DNAH14: variants seen among roughly 807,000 people sequenced by gnomAD.
DNAH14 encodes the protein dynein axonemal heavy chain 14, also known as axonemal beta dynein heavy chain 14.
DNAH14 carries 478 observed loss-of-function variants against 520.9 expected under a neutral mutation model. The ratio of observed to expected loss-of-function variants is 0.92; its 90% CI spans 0.85 to 0.99. The LOEUF (loss-of-function observed/expected upper bound fraction) is 0.99. Among genes scored for constraint, DNAH14 ranks in the 50% least tolerant of loss-of-function variants. The pLI is 0.00. For synonymous variants in DNAH14, 1,581 were observed against 1,757.2 expected (o/e 0.90, Z 2.51); for missense variants, 4,831 against 5,234.5 (o/e 0.92, Z 2.38).
chr1:225,239,956 A>G (rs1055370184), intron 42 of DNAH14, among the ~76,000 whole-genome samples: 4 of 152,196 alleles, frequency 2.6e-5, no homozygotes, highest in African/African-American at 9.6e-5. Flanking sequence ...CAGCCCCATC[A>G]CCATCACCAT....
At chr1:225,103,263 A>G (rs1192775379) in intron 23 of DNAH14, among the ~76,000 whole-genome samples, 1 of 152,168 alleles carries the variant, frequency 6.6e-6, no homozygotes, top group Non-Finnish European at 1.5e-5. Flanking sequence ...CTGTTTTGGT[A>G]TCAGTACCAT....
intron 64 of DNAH14, among the ~76,000 whole-genome samples, chr1:225,329,517 G>T (rs1388325416): frequency 6.6e-6 from 1 of 152,098 alleles, no homozygotes; most frequent in African/African-American, 2.4e-5. Context: ...TTGAGCAGGG[G>T]TGTAATCAAG....
At chr1:225,024,083 T>A in intron 11 of DNAH14, 1 of 1,158,252 alleles carries the variant, frequency 8.6e-7, no homozygotes, top group Non-Finnish European at 1.1e-6. Flanking sequence ...GAATTTCACA[T>A]AAATGGTAAA....
intron 46 of DNAH14, among the ~76,000 whole-genome samples, chr1:225,263,025 T>G (rs2092990188): frequency 6.6e-6 from 1 of 151,642 alleles, no homozygotes; most frequent in Admixed American, 6.6e-5. Flanking sequence ...GAACAAACAA[T>G]AAATCTACCT....
chr1:225,389,473 C>T (rs1230729309), intron 82 of DNAH14, among the ~76,000 whole-genome samples: 1 of 152,252 alleles, frequency 6.6e-6, no homozygotes, highest in African/African-American at 2.4e-5. Context: ...CAAGATTCTG[C>T]GAGGCGCAGG....
intron 68 of DNAH14, among the ~76,000 whole-genome samples, chr1:225,339,685 G>A (rs2095138763): frequency 6.6e-6 from 1 of 152,194 alleles, no homozygotes; most frequent in African/African-American, 2.4e-5. Flanking sequence ...CTGTTGTAGA[G>A]GGCAGGCTTC....
intron 23 of DNAH14, among the ~76,000 whole-genome samples, chr1:225,102,132 C>T (rs1340416334): frequency 6.7e-6 from 1 of 149,484 alleles, no homozygotes; most frequent in Non-Finnish European, 1.5e-5. Context: ...TGAGTGAGAA[C>T]ATGCGGTGTT....
chr1:225,301,400 C>G (rs928403280), intron 56 of DNAH14, among the ~76,000 whole-genome samples: 3 of 152,036 alleles, frequency 2.0e-5, no homozygotes, highest in Admixed American at 6.6e-5. Flanking sequence ...TCTGGAAAGG[C>G]AAGAAACAAG....
chr1:225,146,128 A>G (rs1443018902), intron 30 of DNAH14, among the ~76,000 whole-genome samples: 1 of 152,206 alleles, frequency 6.6e-6, no homozygotes, highest in East Asian at 1.9e-4. Flanking sequence ...AGTGGGGCCT[A>G]TGAGGGCTCC....
chr1:224,952,813 C>G, intron 2 of DNAH14, 34 bp downstream of exon 2: 1 of 1,501,080 alleles, frequency 6.7e-7, no homozygotes, highest in South Asian at 1.3e-5. Context: ...GAGTTTTTTT[C>G]TAAAGTAAGA....
At chr1:225,392,232 C>G in intron 83 of DNAH14, 59 bp from the exon 84 acceptor site, 1 of 1,531,638 alleles carries the variant, frequency 6.5e-7, no homozygotes, top group Non-Finnish European at 8.8e-7. Context: ...TTGTTGCTAA[C>G]CCCAGCAGGA....
At chr1:225,067,027 A>G (rs1368719756) in intron 17 of DNAH14, among the ~76,000 whole-genome samples, 1 of 152,154 alleles carries the variant, frequency 6.6e-6, no homozygotes, top group Non-Finnish European at 1.5e-5. Context: ...TTTGTTACAT[A>G]GGTAAACATG....
chr1:225,136,789 G>C (rs1044517875), intron 27 of DNAH14, among the ~76,000 whole-genome samples: 1 of 152,172 alleles, frequency 6.6e-6, no homozygotes, highest in African/African-American at 2.4e-5. Context: ...AGGTACCCCA[G>C]TCAGTCGTAG....
chr1:225,333,371 C>A lies in DNAH14; in HGVS notation c.9945C>A (p.Cys3315Ter). The stretch of plus-strand genomic sequence containing the variant: ...GTGACATACTTCTTTCAGCAGCGTG[C>A]ATTGTCTACAGTGGAATTTTAACAC... ...ILGDILLSAA[C>*]IVYSGILTPE... Residue 3315 changes from cysteine to a stop codon, truncating the protein, a stop_gained, in exon 66 of 86, where the codon TGC (cysteine) becomes TGA (stop). Transcript: ENST00000682510. LOFTEE classifies it high-confidence loss of function. 6.4e-7 allele frequency: 1 copy of A among 1,551,720 alleles called. No homozygotes were observed. Among genetic ancestry groups the A allele is most frequent in the East Asian group, 2.4e-5 (1 of 40,866 alleles).
At chr1:225,272,904 A>G in intron 51 of DNAH14, 51 bp from the exon 52 acceptor site, 1 of 1,469,340 alleles carries the variant, frequency 6.8e-7, no homozygotes, top group South Asian at 1.4e-5. Flanking sequence ...CGCTTCACAT[A>G]CTACCCTGCT....
At position 225,299,848 on chromosome 1, in the gene DNAH14, C is replaced by T. The variant is rs141018722; in HGVS notation, c.8470-1021C>T. On this transcript the variant is annotated intron_variant, in intron 55 of 85. Coordinates refer to ENST00000682510, the MANE Select transcript of DNAH14 (RefSeq NM_001367479.1). ...CACATATGAGGTGAGACAGGAAATACGTTAGCCCTGTGTCACCTCTGTTGG... is the reference window on the plus strand; with the variant it reads ...CACATATGAGGTGAGACAGGAAATATGTTAGCCCTGTGTCACCTCTGTTGG... Among the ~76,000 whole-genome samples, 7 of 152,256 alleles carry T rather than the reference C, an allele frequency of 4.6e-5. No individual in the cohort carries two copies. The East Asian group carries it at 7.7e-4, about 17-fold the overall frequency.
rs143373945 is a variant in DNAH14, at chr1:224,947,012, G to T, written c.-33-5658G>T. Among the ~76,000 whole-genome samples, 1,132 of 149,694 alleles carry T rather than the reference G, an allele frequency of 7.6e-3. 17 individuals are homozygous for T. Among genetic ancestry groups the T allele is most frequent in the African/African-American group, 0.026 (1,074 of 40,596 alleles). On this transcript the variant is annotated intron_variant, in intron 1 of 85. Coordinates refer to ENST00000682510, the MANE Select transcript of DNAH14 (RefSeq NM_001367479.1). ...GGCTCACTGCAAACTCTGCCTCCCA[G>T]GTTCCAGTGATTCTCCTGCCTCAGC...
rs1323536587 is a variant in DNAH14, at chr1:225,277,526, G to A, written c.8271+24G>A. The A allele has an allele frequency of 6.4e-6, 3 of 466,686 alleles. No homozygotes were observed. In the Admixed American group the frequency reaches 7.2e-5, roughly 11 times the overall value. 28.9% of individuals were successfully genotyped at this position (466,686 alleles called of 1,614,324 possible). A position where few individuals can be genotyped will look rare whatever the true frequency, so the allele number is the denominator to read the frequency against. ...TGGTAGGAATTTAAATTTTTCAAGT[G>A]GTTTTAAGTTTACAAAATAAAATAA... On this transcript the variant is annotated intron_variant, in intron 54 of 85. Transcript: ENST00000682510.
chr1:225,335,181 G>T (rs1480986773), intron 66 of DNAH14, among the ~76,000 whole-genome samples: 1 of 125,776 alleles, frequency 8.0e-6, no homozygotes, highest in African/African-American at 2.8e-5. Context: ...GTACATGTGC[G>T]CATGTGTGTA....
Sources: gnomAD v4.1 joint callset for allele counts (sites outside exome capture counted in the v4.1 genomes callset) on GRCh38, gnomAD v4.1.1 for gene constraint, MANE v1.5 for transcripts, NCBI Gene and HGNC (gene_info 2026-07-23, HGNC 2026-07-21) for gene names.